The following PDS5A variants were observed in gnomAD, a reference collection of about 807,000 sequenced individuals.
PDS5A encodes the protein PDS5 cohesin associated factor A, also known as sister chromatid cohesion protein PDS5 homolog A.
PDS5A carries 42 observed loss-of-function variants against 167.1 expected under a neutral mutation model. The ratio of observed to expected loss-of-function variants is 0.25; its 90% confidence interval spans 0.20 to 0.33. PDS5A has a LOEUF of 0.33. PDS5A is among the 10% of genes least tolerant of loss of function. The pLI, the probability that PDS5A is intolerant of heterozygous loss-of-function variation, is 1.00. For synonymous variants in PDS5A, 553 were observed against 554.6 expected (o/e 1.00, Z 0.04); for missense variants, 1,033 against 1,605.9 (o/e 0.64, Z 6.10).
intron 19 of PDS5A, among the ~76,000 whole-genome samples, chr4:39,874,945 T>C (rs1389605421): frequency 1.3e-5 from 2 of 152,180 alleles, no homozygotes; most frequent in African/African-American, 4.8e-5. Flanking sequence ...ATTCTAGGTA[T>C]TTCCGCATGG....
At chr4:39,937,425 ATTTT>A (rs1726729876) in intron 2 of PDS5A, among the ~76,000 whole-genome samples, 1 of 151,968 alleles carries the variant, frequency 6.6e-6, no homozygotes, top group Non-Finnish European at 1.5e-5. Flanking sequence ...TTTTAATTTT[ATTTT>A]TTGAGAAAGG....
At chr4:39,973,448 G>C in intron 2 of PDS5A, 1 of 1,338,156 alleles carries the variant, frequency 7.5e-7, no homozygotes, top group Admixed American at 1.7e-5. Context: ...GCAGCCAGCA[G>C]ATACCAGGGT....
At chr4:39,948,621 ATTTT>A (rs55951253) in intron 2 of PDS5A, among the ~76,000 whole-genome samples, 4 of 110,932 alleles carry the variant, frequency 3.6e-5, no homozygotes, top group East Asian at 2.6e-4. Context: ...CCACGCCTGG[ATTTT>A]TTTTTTTTTT....
chr4:39,901,245 C>G (rs1255667748), intron 13 of PDS5A, among the ~76,000 whole-genome samples: 1 of 150,000 alleles, frequency 6.7e-6, no homozygotes, highest in Admixed American at 6.7e-5. Flanking sequence ...GCCAAAATGA[C>G]AGTCTTTTTT....
chr4:39,855,711 A>G lies in PDS5A; in HGVS notation c.3087-6059T>C, dbSNP rs140475780. On this transcript the variant is annotated intron_variant, in intron 26 of 32. Coordinates refer to ENST00000303538, the MANE Select transcript of PDS5A (RefSeq NM_001100399.2). The stretch of plus-strand genomic sequence containing the variant: ...ACAGCTGAAATTAAAAATTCACTCT[A>G]GGAGGATTCAATGGCCGACTACAGC... Among the ~76,000 whole-genome samples the G allele has an allele frequency of 4.5e-3, 680 of 152,302 alleles. 5 individuals are homozygous for G. The highest frequency in any genetic ancestry group is 0.016 in the African/African-American group (658 of 41,588).
At chr4:39,920,652 G>A (rs1464458305) in intron 6 of PDS5A, among the ~76,000 whole-genome samples, 1 of 152,128 alleles carries the variant, frequency 6.6e-6, no homozygotes, top group Non-Finnish European at 1.5e-5. Context: ...GTTAGCAAAA[G>A]CACAACACTA....
chr4:39,965,137 A>G (rs542023079), intron 2 of PDS5A, among the ~76,000 whole-genome samples: 6 of 152,186 alleles, frequency 3.9e-5, no homozygotes, highest in African/African-American at 1.4e-4. Context: ...TCTTTTAACC[A>G]ATAGAGTAAG....
chr4:39,949,723 G>C (rs1285074466), intron 2 of PDS5A, among the ~76,000 whole-genome samples: 1 of 146,534 alleles, frequency 6.8e-6, no homozygotes, highest in Non-Finnish European at 1.5e-5. Context: ...CTACGCAGGA[G>C]GCTGGGGTGG....
rs1236945348 is a variant in PDS5A at position 39,927,018 on chromosome 4, G to T, written c.343-157C>A. 2.0e-5 allele frequency among the ~76,000 whole-genome samples: 3 copies of T among 152,070 alleles called. No individual in the cohort carries two copies. In the East Asian group the frequency reaches 5.8e-4, roughly 29 times the overall value. On this transcript the variant is annotated intron_variant, in intron 3 of 32. Coordinates refer to ENST00000303538, the MANE Select transcript of PDS5A (RefSeq NM_001100399.2). ...ATTGGCCTAATCCATTATTCAAAAT[G>T]ATTCAAAAGATCCAATCAAATAAAA...
intron 5 of PDS5A, among the ~76,000 whole-genome samples, chr4:39,925,107 G>C (rs1725340050): frequency 6.6e-6 from 1 of 151,752 alleles, no homozygotes; most frequent in African/African-American, 2.4e-5. Flanking sequence ...GCAAGACACT[G>C]TCTCAAAAAA....
Position 39,875,673 on chromosome 4 carries a change from T to G in PDS5A, c.2154-1261A>C, listed in dbSNP as rs74443652. Among the ~76,000 whole-genome samples the G allele has an allele frequency of 7.6e-3, 1,154 of 152,276 alleles. 13 individuals are homozygous for G. The highest frequency in any genetic ancestry group is 0.026 in the African/African-American group (1,065 of 41,560). On this transcript the variant is annotated intron_variant, in intron 19 of 32. Transcript: ENST00000303538. The stretch of plus-strand genomic sequence containing the variant: ...AAGTTTGCCTCTATGGACTTTGGAA[T>G]TATGAGATAGGGATGTCCATGACCA...
intron 16 of PDS5A, among the ~76,000 whole-genome samples, chr4:39,897,526 G>A (rs756563598): frequency 9.9e-5 from 15 of 152,096 alleles, no homozygotes; most frequent in Non-Finnish European, 2.1e-4. Context: ...AGCCTCTTGA[G>A]TAGCTCAGAT....
At chr4:39,913,752 G>A in intron 8 of PDS5A, 26 bp from the exon 9 acceptor site, 2 of 1,173,882 alleles carry the variant, frequency 1.7e-6, no homozygotes, top group Non-Finnish European at 2.6e-6. Flanking sequence ...AGAAAGTGAA[G>A]CCTAAGCTTT....
intron 1 of PDS5A, 86 bp from the exon 2 acceptor site, chr4:39,976,703 G>C (rs1731123073): frequency 1.5e-6 from 1 of 655,390 alleles, no homozygotes; most frequent in South Asian, 2.8e-5. Context: ...ATCTGGAAAA[G>C]GCCCTGTCTC....
In PDS5A at chr4:39,865,189, A is replaced by G. The variant is rs911195651; in HGVS notation, c.2642+1672T>C. Reference sequence around the variant, plus strand: ...TATTGATTAAGTTTAAATTGTATTGACTGCATTTAGTGATGTTAAACTTTT... The same window carrying G: ...TATTGATTAAGTTTAAATTGTATTGGCTGCATTTAGTGATGTTAAACTTTT... On this transcript the variant is annotated intron_variant, in intron 23 of 32. Transcript: ENST00000303538. 5.3e-5 allele frequency among the ~76,000 whole-genome samples: 8 copies of G among 152,216 alleles called. No homozygotes were observed. In the East Asian group the frequency reaches 1.3e-3, roughly 26 times the overall value.
chr4:39,860,838 G>A (rs1315622249), intron 26 of PDS5A, among the ~76,000 whole-genome samples: 1 of 152,116 alleles, frequency 6.6e-6, no homozygotes, highest in Non-Finnish European at 1.5e-5. Flanking sequence ...AGGAAGCTGA[G>A]GCAGGAGGGT....
intron 9 of PDS5A, among the ~76,000 whole-genome samples, chr4:39,911,717 A>G (rs1163741697): frequency 6.6e-6 from 1 of 151,784 alleles, no homozygotes; most frequent in Non-Finnish European, 1.5e-5. Context: ...CTGTAGTCCC[A>G]GCTGTTTGGG....
In PDS5A at chr4:39,920,015, G is replaced by T. The variant is rs374172625; in HGVS notation, c.735+304C>A. 1.5e-4 allele frequency among the ~76,000 whole-genome samples: 23 copies of T among 150,340 alleles called. No individual in the cohort carries two copies. The East Asian group carries it at 1.6e-3, about 10-fold the overall frequency. ...AAAGAAACAAAGAAAAAAATATATA[G>T]AGAGAGACACAGAGACCCAAGGAAA... On this transcript the variant is annotated intron_variant, in intron 7 of 32. Coordinates refer to ENST00000303538, the MANE Select transcript of PDS5A (RefSeq NM_001100399.2).
chr4:39,831,049 G>A (rs1481012841), intron 32 of PDS5A, among the ~76,000 whole-genome samples: 1 of 152,216 alleles, frequency 6.6e-6, no homozygotes, highest in Non-Finnish European at 1.5e-5. Flanking sequence ...CTTTTGGGAG[G>A]AAATGATAGT....
Sources: gnomAD v4.1 joint callset for allele counts (sites outside exome capture counted in the v4.1 genomes callset) on GRCh38, gnomAD v4.1.1 for gene constraint, MANE v1.5 for transcripts, NCBI Gene and HGNC (gene_info 2026-07-23, HGNC 2026-07-21) for gene names.